The following ZFYVE9 variants were observed in gnomAD, a reference collection of about 807,000 sequenced individuals.
The protein encoded by ZFYVE9 is zinc finger FYVE-type containing 9.
In ZFYVE9, 43 loss-of-function variants were observed where a neutral mutation model predicts 126.7. The ratio of observed to expected loss-of-function variants is 0.34; its 90% CI spans 0.27 to 0.44. The LOEUF (loss-of-function observed/expected upper bound fraction) is 0.44, where lower values mean the gene tolerates loss of function less well. ZFYVE9 is among the 20% of genes least tolerant of loss of function. ZFYVE9 has a pLI of 1.00. For synonymous variants in ZFYVE9, 521 were observed against 597.4 expected (o/e 0.87, Z 1.87); for missense variants, 1,476 against 1,697.0 (o/e 0.87, Z 2.29).
chr1:52,283,355 A>G (rs564886211), intron 10 of ZFYVE9, among the ~76,000 whole-genome samples: 4 of 152,352 alleles, frequency 2.6e-5, no homozygotes, highest in South Asian at 2.1e-4. Context: ...GCAATGAAGA[A>G]CCATTGAAAG....
At chr1:52,253,664 A>C in intron 4 of ZFYVE9, 1 of 1,576,072 alleles carries the variant, frequency 6.3e-7, no homozygotes, top group Non-Finnish European at 8.7e-7. Flanking sequence ...GACCCTGAGC[A>C]GTTGGAAAAG....
At chr1:52,312,955 C>T (rs1051957448) in intron 13 of ZFYVE9, among the ~76,000 whole-genome samples, 6 of 151,980 alleles carry the variant, frequency 3.9e-5, no homozygotes, top group African/African-American at 1.2e-4. Context: ...TAGAGCAGGT[C>T]GAAATCCAAT....
intron 1 of ZFYVE9, among the ~76,000 whole-genome samples, chr1:52,156,972 A>C (rs1377935402): frequency 6.6e-6 from 1 of 151,992 alleles, no homozygotes; most frequent in African/African-American, 2.4e-5. Flanking sequence ...AGCTGGGACT[A>C]CAGGCGCCCG....
chr1:52,339,666 AGGGGAAT>A (rs1646417791), intron 16 of ZFYVE9, among the ~76,000 whole-genome samples: 6 of 152,202 alleles, frequency 3.9e-5, no homozygotes, highest in Non-Finnish European at 7.3e-5. Context: ...AAGCACATAG[AGGGGAAT>A]ATATCATATT....
At chr1:52,343,484 G>A (rs997086519) in intron 17 of ZFYVE9, among the ~76,000 whole-genome samples, 2 of 151,600 alleles carry the variant, frequency 1.3e-5, no homozygotes, top group African/African-American at 2.4e-5. Context: ...GGCCGGGTGC[G>A]GTGGCTCACA....
rs869107075 is a variant in ZFYVE9 at position 52,229,868 on chromosome 1, CT to C, written c.-36-3287del. On this transcript the variant is annotated intron_variant, in intron 2 of 18. Transcript: ENST00000287727. ...CCAGGAAAGATTAGGCTCACAGACA[CT>C]TTTTTTTTTTTTTTTGGAGACGGAG... 5.4e-3 allele frequency among the ~76,000 whole-genome samples: 765 copies of C among 140,552 alleles called. 2 individuals carry two copies. The highest frequency in any genetic ancestry group is 6.3e-3 in the Non-Finnish European group (405 of 64,160). The allele number at this position is 140,552 out of a possible 152,430, so 92.2% of individuals were successfully genotyped here.
At chr1:52,209,057 A>G (rs913133528) in intron 1 of ZFYVE9, among the ~76,000 whole-genome samples, 1 of 152,182 alleles carries the variant, frequency 6.6e-6, no homozygotes, top group African/African-American at 2.4e-5. Context: ...ACAATGACAA[A>G]AGAAGCAATC....
intron 17 of ZFYVE9, among the ~76,000 whole-genome samples, chr1:52,343,089 GT>G (rs1312724704): frequency 6.6e-6 from 1 of 150,810 alleles, no homozygotes; most frequent in Non-Finnish European, 1.5e-5. Context: ...TTTGTTTTTT[GT>G]TTTTTGTATT....
intron 13 of ZFYVE9, among the ~76,000 whole-genome samples, chr1:52,328,947 AGAT>A (rs949352674): frequency 2.0e-5 from 3 of 152,178 alleles, no homozygotes; most frequent in African/African-American, 7.2e-5. Flanking sequence ...TAAAGCCAAG[AGAT>A]GATGATGATG....
chr1:52,195,997 T>C (rs1038389507), intron 1 of ZFYVE9, among the ~76,000 whole-genome samples: 3 of 152,140 alleles, frequency 2.0e-5, no homozygotes, highest in African/African-American at 7.2e-5. Context: ...TTTCACCATG[T>C]TGGCCAGGCT....
At chr1:52,145,539 G>A (rs1226523361) in intron 1 of ZFYVE9, among the ~76,000 whole-genome samples, 1 of 152,138 alleles carries the variant, frequency 6.6e-6, no homozygotes, top group Non-Finnish European at 1.5e-5. Flanking sequence ...CTCTTAAAGC[G>A]ATGTGACATT....
intron 1 of ZFYVE9, among the ~76,000 whole-genome samples, chr1:52,152,413 G>A (rs1389809772): frequency 1.3e-5 from 2 of 152,118 alleles, no homozygotes; most frequent in African/African-American, 4.8e-5. Context: ...CACCGTATCC[G>A]AGACTTTGAA....
At chr1:52,248,313 A>T (rs1645411170) in intron 4 of ZFYVE9, among the ~76,000 whole-genome samples, 1 of 152,198 alleles carries the variant, frequency 6.6e-6, no homozygotes, top group African/African-American at 2.4e-5. Flanking sequence ...GGAGGAGAGG[A>T]TATAAGCATC....
At chr1:52,183,343 T>C (rs192779636) in intron 1 of ZFYVE9, among the ~76,000 whole-genome samples, 2 of 152,328 alleles carry the variant, frequency 1.3e-5, no homozygotes, top group East Asian at 1.9e-4. Context: ...TTGTAACTTA[T>C]AGCAATCACC....
intron 13 of ZFYVE9, among the ~76,000 whole-genome samples, chr1:52,313,849 T>A (rs1646159104): frequency 6.6e-6 from 1 of 152,160 alleles, no homozygotes; most frequent in Non-Finnish European, 1.5e-5. Context: ...TGGATGAAAT[T>A]AAATGCAGTT....
chr1:52,281,628 G>A (rs1269542122), intron 9 of ZFYVE9, 33 bp from the exon 10 acceptor site: 2 of 1,609,400 alleles, frequency 1.2e-6, no homozygotes, highest in Non-Finnish European at 1.7e-6. Context: ...TGATAGGAAT[G>A]TCTTTATTTT....
At chr1:52,317,227 T>G (rs1646193487) in intron 13 of ZFYVE9, among the ~76,000 whole-genome samples, 1 of 151,990 alleles carries the variant, frequency 6.6e-6, no homozygotes, top group South Asian at 2.1e-4. Flanking sequence ...ACCCTTGTAT[T>G]AGAAAAAAAG....
intron 1 of ZFYVE9, among the ~76,000 whole-genome samples, chr1:52,195,277 G>A (rs1237303892): frequency 6.6e-6 from 1 of 152,192 alleles, no homozygotes; most frequent in Non-Finnish European, 1.5e-5. Context: ...AAGGAGGAAT[G>A]TTGTTTCCAA....
chr1:52,236,392 A>G lies in ZFYVE9; in HGVS notation c.71-1096A>G, dbSNP rs181827223. On this transcript the variant is annotated intron_variant, in intron 3 of 18. Coordinates refer to ENST00000287727, the MANE Select transcript of ZFYVE9 (RefSeq NM_004799.4). ...TAGTAAATGCCTTAATAAAGTTTTGATTAAGGTGCTGTGGACACATTGAAG... is the reference window on the plus strand; with the variant it reads ...TAGTAAATGCCTTAATAAAGTTTTGGTTAAGGTGCTGTGGACACATTGAAG... Among the ~76,000 whole-genome samples the G allele has an allele frequency of 2.1e-3, 318 of 152,282 alleles. 1 individual carries two copies. Among genetic ancestry groups the G allele is most frequent in the African/African-American group, 7.1e-3 (294 of 41,560 alleles).
Sources: allele counts gnomAD v4.1 joint callset (sites outside exome capture counted in the v4.1 genomes callset), GRCh38; gene constraint gnomAD v4.1.1; transcripts MANE v1.5; gene names NCBI Gene and HGNC (gene_info 2026-07-23, HGNC 2026-07-21).